The following ARHGAP15 variants were observed in gnomAD, a reference collection of about 807,000 sequenced individuals.
ARHGAP15 encodes the protein rho GTPase-activating protein 15.
A neutral mutation model predicts 63.7 loss-of-function variants in ARHGAP15; 51 were observed. The observed-to-expected ratio is 0.80, with a 90% CI of 0.64 to 1.01. ARHGAP15 has a LOEUF of 1.01. ARHGAP15 is among the 50% of genes least tolerant of loss of function. The pLI is 0.00. For synonymous variants in ARHGAP15, 191 were observed against 193.8 expected (o/e 0.99, Z 0.12); for missense variants, 560 against 564.6 (o/e 0.99, Z 0.08).
chr2:143,140,443 G>T (rs1197282555), intron 1 of ARHGAP15, among the ~76,000 whole-genome samples: 1 of 152,070 alleles, frequency 6.6e-6, no homozygotes, highest in Non-Finnish European at 1.5e-5. Context: ...AAATTAAAAT[G>T]AAGCAAAGAA....
chr2:143,764,782 T>C (rs548407474), intron 13 of ARHGAP15, among the ~76,000 whole-genome samples: 29 of 152,302 alleles, frequency 1.9e-4, no homozygotes, highest in African/African-American at 6.5e-4. Context: ...ACTAAAACTA[T>C]AGCCATAATT....
At chr2:143,435,510 G>GT in intron 6 of ARHGAP15, 91 bp from the exon 7 acceptor site, 1 of 1,368,544 alleles carries the variant, frequency 7.3e-7, no homozygotes, top group East Asian at 2.9e-5. Flanking sequence ...ATTAAACTGT[G>GT]TTTTTTAAAA....
chr2:143,215,744 C>A (rs1002674738), intron 3 of ARHGAP15, among the ~76,000 whole-genome samples: 10 of 152,250 alleles, frequency 6.6e-5, no homozygotes, highest in African/African-American at 1.7e-4. Flanking sequence ...AACACTTCTG[C>A]GGAGTTATAA....
intron 8 of ARHGAP15, among the ~76,000 whole-genome samples, chr2:143,486,599 T>C (rs979154215): frequency 7.2e-5 from 11 of 151,956 alleles, no homozygotes; most frequent in African/African-American, 2.7e-4. Flanking sequence ...GAAGACATCT[T>C]GGATGTGTTT....
chr2:143,405,686 C>A (rs138778452), intron 6 of ARHGAP15, among the ~76,000 whole-genome samples: 2 of 151,914 alleles, frequency 1.3e-5, no homozygotes, highest in Non-Finnish European at 2.9e-5. Flanking sequence ...ACGAGACTCA[C>A]ATTGTCCAAG....
intron 6 of ARHGAP15, among the ~76,000 whole-genome samples, chr2:143,394,768 TG>T (rs1687687753): frequency 6.6e-6 from 1 of 152,132 alleles, no homozygotes; most frequent in Admixed American, 6.6e-5. Flanking sequence ...TTGAAATGCT[TG>T]TTAGAGTTAA....
At chr2:143,715,984 C>T (rs1471373992) in intron 13 of ARHGAP15, among the ~76,000 whole-genome samples, 1 of 152,070 alleles carries the variant, frequency 6.6e-6, no homozygotes, top group African/African-American at 2.4e-5. Context: ...TTTCAACACA[C>T]ATTGGGGCCT....
intron 6 of ARHGAP15, among the ~76,000 whole-genome samples, chr2:143,290,683 G>T (rs981295051): frequency 5.9e-5 from 9 of 152,120 alleles, no homozygotes; most frequent in Non-Finnish European, 1.3e-4. Context: ...GACATACTCA[G>T]ATAGTGTGTA....
intron 5 of ARHGAP15, chr2:143,236,098 T>G: frequency 1.7e-6 from 2 of 1,193,590 alleles, no homozygotes; most frequent in Non-Finnish European, 1.1e-6. Context: ...CTCTCAACAG[T>G]TAACAACTCC....
intron 2 of ARHGAP15, chr2:143,161,969 A>G (rs1291984900): frequency 1.3e-5 from 2 of 151,998 alleles, no homozygotes; most frequent in Non-Finnish European, 2.9e-5. Context: ...ATAACAAACC[A>G]TGGAATGACA....
At chr2:143,381,642 T>A (rs1443551155) in intron 6 of ARHGAP15, among the ~76,000 whole-genome samples, 1 of 152,154 alleles carries the variant, frequency 6.6e-6, no homozygotes, top group Non-Finnish European at 1.5e-5. Context: ...GGGGGAGCAG[T>A]TCCTGGGTGT....
chr2:143,302,004 A>T (rs1438284883), intron 6 of ARHGAP15, among the ~76,000 whole-genome samples: 2 of 151,928 alleles, frequency 1.3e-5, no homozygotes, highest in Non-Finnish European at 2.9e-5. Flanking sequence ...AAAAGTTAAG[A>T]ACTTCTCTGT....
chr2:143,279,169 GGGAAGAATGAAGCGGTATCTCTTTTAT>G (rs1681719496), intron 6 of ARHGAP15, among the ~76,000 whole-genome samples: 1 of 152,090 alleles, frequency 6.6e-6, no homozygotes, highest in Non-Finnish European at 1.5e-5. Flanking sequence ...ATTATTTCTA[GGGAAGAATGAAGCGGTATCTCTTTTAT>G]GGACTGTCCA....
intron 6 of ARHGAP15, among the ~76,000 whole-genome samples, chr2:143,364,810 T>C (rs1686224846): frequency 6.6e-6 from 1 of 152,154 alleles, no homozygotes; most frequent in African/African-American, 2.4e-5. Context: ...GGCGGATCAC[T>C]TGAGGCCAGG....
At chr2:143,141,492 A>G (rs776183833) in intron 1 of ARHGAP15, among the ~76,000 whole-genome samples, 8 of 152,160 alleles carry the variant, frequency 5.3e-5, no homozygotes, top group Non-Finnish European at 1.0e-4. Flanking sequence ...AACAGAAACC[A>G]ATATAAGGCA....
rs139542699 is a variant in ARHGAP15 at position 143,361,051 on chromosome 2, G to A, written c.475-74550G>A. Among the ~76,000 whole-genome samples the A allele has an allele frequency of 2.7e-3, 418 of 152,180 alleles. 2 individuals are homozygous for A. Among genetic ancestry groups the A allele is most frequent in the Non-Finnish European group, 4.7e-3 (318 of 68,018 alleles). On this transcript the variant is annotated intron_variant, in intron 6 of 13. Coordinates refer to ENST00000295095, the MANE Select transcript of ARHGAP15 (RefSeq NM_018460.4). ...TTACCACCAGAAATGCCATTGGCACGTTCCACGCATGAGTTCCACATTTTT... is the reference window on the plus strand; with the variant it reads ...TTACCACCAGAAATGCCATTGGCACATTCCACGCATGAGTTCCACATTTTT...
intron 6 of ARHGAP15, among the ~76,000 whole-genome samples, chr2:143,319,446 T>C (rs1209229387): frequency 6.6e-6 from 1 of 152,112 alleles, no homozygotes; most frequent in Non-Finnish European, 1.5e-5. Context: ...GGTCTCGAAC[T>C]CCTGACCTCA....
At chr2:143,757,209 G>GAATCA (rs1686608509) in intron 13 of ARHGAP15, among the ~76,000 whole-genome samples, 1 of 152,060 alleles carries the variant, frequency 6.6e-6, no homozygotes, top group African/African-American at 2.4e-5. Context: ...GCAGAGTACT[G>GAATCA]AATCAAAATA....
chr2:143,322,761 C>T (rs1212203223), intron 6 of ARHGAP15, among the ~76,000 whole-genome samples: 2 of 152,074 alleles, frequency 1.3e-5, no homozygotes, highest in East Asian at 1.9e-4. Context: ...CATGATGCTT[C>T]GATGTGGTAC....
Sources: gnomAD v4.1 joint callset for allele counts (sites outside exome capture counted in the v4.1 genomes callset) on GRCh38, gnomAD v4.1.1 for gene constraint, MANE v1.5 for transcripts, NCBI Gene and HGNC (gene_info 2026-07-23, HGNC 2026-07-21) for gene names.